The following GOLGB1 variants were observed in gnomAD, a reference collection of about 807,000 sequenced individuals.
The protein encoded by GOLGB1 is golgin B1.
In GOLGB1, 174 loss-of-function variants were observed where a neutral mutation model predicts 336.9. The observed-to-expected ratio is 0.52, with a 90% CI of 0.46 to 0.59. The LOEUF (loss-of-function observed/expected upper bound fraction) is 0.59. Among genes scored for constraint, GOLGB1 ranks in the 20% least tolerant of loss-of-function variants. The pLI is 0.00. For synonymous variants in GOLGB1, 1,208 were observed against 1,289.2 expected, an observed-to-expected ratio of 0.94 and a Z score of 1.35; for missense variants, 3,331 against 3,645.3, an observed-to-expected ratio of 0.91 and a Z score of 2.22.
At chr3:121,689,208 A>AG (rs1176455686) in intron 14 of GOLGB1, among the ~76,000 whole-genome samples, 4 of 152,206 alleles carry the variant, frequency 2.6e-5, no homozygotes. Flanking sequence ...TGGAATAGAA[A>AG]GGGGGGAAAG....
Position 121,697,549 on chromosome 3 carries a change from C to A in GOLGB1, c.2974G>T (p.Glu992Ter). 1 of 1,613,722 alleles carries A rather than the reference C, an allele frequency of 6.2e-7. No individual in the cohort carries two copies. The highest frequency in any genetic ancestry group is 1.6e-4 in the Middle Eastern group (1 of 6,062). Residue 992 changes from glutamate (E) to a stop codon, truncating the protein, a stop_gained, in exon 13 of 22, where the codon GAA becomes TAA. Coordinates refer to ENST00000614479, the MANE Select transcript of GOLGB1 (RefSeq NM_001366282.2). LOFTEE classifies it high-confidence loss of function. The stretch of plus-strand genomic sequence containing the variant: ...AGCTTTCTCTTTCTCTGCTCATTTT[C>A]TTTCTTCAGAAGGTCAAATTCATGC... ...LQHEFDLLKK[E>*]NEQRKRKLQA...
At position 121,695,721 on chromosome 3, in the gene GOLGB1, G is replaced by A. The variant is rs774966513; in HGVS notation, c.4802C>T (p.Ser1601Phe). ...CCACTCAGTACTTTCTGCAATCTTA[G>A]AAGATTTCAAAGATTCAATTTCCTT... The part of the protein sequence containing the change: ...LVKEIESLKS[S>F]KIAESTEWQE... The change falls in exon 13 of 22, where the codon TCT becomes TTT. Residue 1601 changes from serine to phenylalanine, a missense_variant. Coordinates refer to ENST00000614479, the MANE Select transcript of GOLGB1 (RefSeq NM_001366282.2). 6.8e-6 allele frequency: 11 copies of A among 1,611,320 alleles called. 1 individual carries two copies. The South Asian group carries it at 1.2e-4, about 18-fold the overall frequency.
At chr3:121,723,456 A>T (rs1429194570) in intron 5 of GOLGB1, among the ~76,000 whole-genome samples, 1 of 152,254 alleles carries the variant, frequency 6.6e-6, no homozygotes, top group African/African-American at 2.4e-5. Context: ...ATAACTAATA[A>T]TTAAATTGCA....
Position 121,696,786 on chromosome 3 carries a change from C to A in GOLGB1, c.3737G>T (p.Arg1246Met), listed in dbSNP as rs775201533. The A allele has an allele frequency of 3.3e-5, 53 of 1,614,012 alleles. 1 individual carries two copies. The South Asian group carries it at 4.0e-4, about 12-fold the overall frequency. The change falls in exon 13 of 22, where the codon AGG becomes ATG. Residue 1246 changes from arginine to methionine, a missense_variant. Coordinates refer to ENST00000614479, the MANE Select transcript of GOLGB1 (RefSeq NM_001366282.2). ...TGGGAGTTTTCCGTCTATGGATTCC[C>A]TTACTTGAATCTGGAGTTGCCTTAG... ...DQLRQLQIQV[R>M]ESIDGKLPST...
intron 1 of GOLGB1, among the ~76,000 whole-genome samples, chr3:121,740,935 C>T (rs1218376095): frequency 6.6e-6 from 1 of 151,440 alleles, no homozygotes; most frequent in East Asian, 1.9e-4. Context: ...AGTAAAATTA[C>T]TGGACTTAAA....
chr3:121,731,757 T>C (rs1481684186), intron 1 of GOLGB1, among the ~76,000 whole-genome samples: 2 of 152,116 alleles, frequency 1.3e-5, no homozygotes, highest in Non-Finnish European at 2.9e-5. Context: ...CAGTAACCTA[T>C]GATTCTTCTA....
intron 17 of GOLGB1, among the ~76,000 whole-genome samples, chr3:121,669,900 G>A (rs1939241190): frequency 6.6e-6 from 1 of 152,144 alleles, no homozygotes; most frequent in Non-Finnish European, 1.5e-5. Flanking sequence ...ATCCCAACAT[G>A]TATATGTATA....
At chr3:121,709,544 T>C (rs753874597) in intron 10 of GOLGB1, among the ~76,000 whole-genome samples, 1 of 152,168 alleles carries the variant, frequency 6.6e-6, no homozygotes, top group Non-Finnish European at 1.5e-5. Context: ...ATCTGGATAT[T>C]CTACAACAAC....
At position 121,697,259 on chromosome 3, in the gene GOLGB1, C is replaced by G; in HGVS notation, c.3264G>C (p.Lys1088Asn). ...CCTGGAATTGCTCTTCAGCTGCCAGCTTTTCTTCCAAATCCTTCCTTATAT... is the reference window on the plus strand; with the variant it reads ...CCTGGAATTGCTCTTCAGCTGCCAGGTTTTCTTCCAAATCCTTCCTTATAT... ...LQHIRKDLEEKLAAEEQFQAL... is the reference protein window; with the variant it reads ...LQHIRKDLEENLAAEEQFQAL... Residue 1088 changes from lysine to asparagine, a missense_variant, in exon 13 of 22, where the codon AAG (lysine) becomes AAC (asparagine). Lys to Asn is a moderately conservative substitution (Grantham distance 94). Transcript: ENST00000614479. 1 of 1,614,124 alleles carries G rather than the reference C, an allele frequency of 6.2e-7. No homozygotes were observed. Among genetic ancestry groups the G allele is most frequent in the Non-Finnish European group, 8.5e-7 (1 of 1,179,998 alleles).
At chr3:121,667,367 C>T (rs1352999018) in intron 20 of GOLGB1, 109 bp downstream of exon 20, 12 of 1,193,176 alleles carry the variant, frequency 1.0e-5, no homozygotes, top group South Asian at 3.1e-5. Context: ...CAGCAACTAC[C>T]TCAAGATGAG....
In GOLGB1 at chr3:121,716,912, C is replaced by G. The variant is rs1215486615; in HGVS notation, c.1113G>C (p.Leu371Phe). 1 of 1,613,942 alleles carries G rather than the reference C, an allele frequency of 6.2e-7. No homozygotes were observed. The highest frequency in any genetic ancestry group is 2.2e-5 in the East Asian group (1 of 44,876). Residue 371 changes from leucine (L) to phenylalanine (F), a missense_variant, in exon 9 of 22, where the codon TTG (leucine) becomes TTC (phenylalanine). By Grantham distance (22) the Leu-to-Phe change is conservative. Transcript: ENST00000614479. The part of the protein sequence containing the change: ...QAELESRYSA[L>F]EQKHKAEMEE... ...CCATTTCTGCTTTGTGCTTCTGCTC[C>G]AAAGCACTATACCGAGACTCTAGTT...
intron 2 of GOLGB1, 156 bp from the exon 3 acceptor site, chr3:121,730,173 T>C: frequency 5.4e-6 from 3 of 553,536 alleles, no homozygotes; most frequent in South Asian, 2.6e-5. Flanking sequence ...ATCATAGCCA[T>C]TACAATATAT....
rs759727395 is a variant in GOLGB1, at chr3:121,697,095, A to T, written c.3428T>A (p.Val1143Glu). 5.0e-6 allele frequency: 8 copies of T among 1,613,876 alleles called. No homozygotes were observed. Among genetic ancestry groups the T allele is most frequent in the Non-Finnish European group, 8.5e-7 (1 of 1,179,904 alleles). ...SNTDASDGDSVALVKETVVIS... is the reference protein window; with the variant it reads ...SNTDASDGDSEALVKETVVIS... The stretch of plus-strand genomic sequence containing the variant: ...CACCACTGTTTCCTTTACAAGTGCT[A>T]CGGAGTCCCCATCACTTGCATCCGT... The change falls in exon 13 of 22, where the codon GTA (valine) becomes GAA (glutamate). Residue 1143 changes from valine (V) to glutamate (E), a missense_variant. Physicochemically the swap from Val to Glu is moderately radical, Grantham distance 121. Transcript: ENST00000614479.
At chr3:121,733,156 T>C (rs1018120655) in intron 1 of GOLGB1, among the ~76,000 whole-genome samples, 7 of 151,952 alleles carry the variant, frequency 4.6e-5, no homozygotes, top group African/African-American at 1.7e-4. Context: ...ACTCCAACTC[T>C]ACTAAAAATA....
intron 1 of GOLGB1, among the ~76,000 whole-genome samples, chr3:121,745,529 C>T (rs565411808): frequency 3.1e-4 from 45 of 142,996 alleles, no homozygotes; most frequent in Admixed American, 6.9e-5. Flanking sequence ...CATATGTATA[C>T]GTGTATGTAT....
Position 121,669,266 on chromosome 3 carries a change from A to G in GOLGB1, c.9267T>C (p.Gly3089=). The change falls in exon 18 of 22, where the codon GGT becomes GGC. Residue 3089 remains glycine (G), a synonymous_variant. Transcript: ENST00000614479. ...AGACTGCACAGTGATTTAAAAGGTC[A>G]CCATAGTGCTGCTGGTTCTCACGAA... ...QSLRENQQHY[G]DLLNHCAVLE... 6.2e-7 allele frequency: 1 copy of G among 1,614,056 alleles called. No homozygotes were observed. The highest frequency in any genetic ancestry group is 8.5e-7 in the Non-Finnish European group (1 of 1,179,908).
At chr3:121,677,852 C>T (rs1576289766) in intron 15 of GOLGB1, among the ~76,000 whole-genome samples, 1 of 152,090 alleles carries the variant, frequency 6.6e-6, no homozygotes. Flanking sequence ...AGGCATCAAG[C>T]GATGCTCTGA....
intron 1 of GOLGB1, among the ~76,000 whole-genome samples, chr3:121,744,072 CTGAATATCAT>C (rs1386173675): frequency 6.6e-6 from 1 of 152,088 alleles, no homozygotes; most frequent in Non-Finnish European, 1.5e-5. Flanking sequence ...CAGCATCCTA[CTGAATATCAT>C]TGAATATCAT....
At chr3:121,739,502 T>C (rs1369091092) in intron 1 of GOLGB1, among the ~76,000 whole-genome samples, 4 of 150,622 alleles carry the variant, frequency 2.7e-5, no homozygotes, top group Admixed American at 2.6e-4. Flanking sequence ...AACCCAGAAA[T>C]AAAGTGAAAA....
Sources: allele counts gnomAD v4.1 joint callset (sites outside exome capture counted in the v4.1 genomes callset), GRCh38; gene constraint gnomAD v4.1.1; transcripts MANE v1.5; gene names NCBI Gene and HGNC (gene_info 2026-07-23, HGNC 2026-07-21).